The following MTMR12 variants were observed in gnomAD, a reference collection of about 807,000 sequenced individuals.
MTMR12 encodes myotubularin-related protein 12.
Under a neutral mutation model 96.7 loss-of-function variants are expected in MTMR12, and 33 were observed. That is an observed-to-expected ratio of 0.34 (90% CI 0.26 to 0.46). The LOEUF (loss-of-function observed/expected upper bound fraction) is 0.46. Ranked by LOEUF, MTMR12 falls within the 20% of genes least tolerant of loss-of-function variation. The pLI is 1.00. For missense variants in MTMR12, 721 were observed against 896.1 expected (o/e 0.80, Z 2.49); for synonymous variants, 298 against 327.2 (o/e 0.91, Z 0.96).
intron 1 of MTMR12, among the ~76,000 whole-genome samples, chr5:32,299,770 T>C (rs1751067366): frequency 6.6e-6 from 1 of 152,312 alleles, no homozygotes; most frequent in African/African-American, 2.4e-5. Flanking sequence ...TCCTCAAGAC[T>C]TCTCTCTCAC....
intron 12 of MTMR12, among the ~76,000 whole-genome samples, chr5:32,241,653 G>A (rs1748480713): frequency 1.3e-5 from 2 of 152,086 alleles, no homozygotes; most frequent in Admixed American, 1.3e-4. Flanking sequence ...AAGTTTCTAT[G>A]GTAACTGAAT....
chr5:32,276,834 CACAT>C (rs1750070488), intron 1 of MTMR12, 92 bp from the exon 2 acceptor site: 2 of 633,268 alleles, frequency 3.2e-6, no homozygotes, highest in Admixed American at 5.6e-5. Context: ...ACTAAAATAT[CACAT>C]ACCCTCAGGA....
intron 13 of MTMR12, among the ~76,000 whole-genome samples, chr5:32,237,617 T>G (rs1748289842): frequency 6.6e-6 from 1 of 151,964 alleles, no homozygotes; most frequent in Admixed American, 6.5e-5. Context: ...TTTAAGTGAT[T>G]CTCCTGCCTC....
rs77376243 is a variant in MTMR12 at position 32,309,432 on chromosome 5, C to T, written c.81+3326G>A. On this transcript the variant is annotated intron_variant, in intron 1 of 15. Transcript: ENST00000382142. ...ACTATCAACAAAATGAAGAGATAACCCACTGAATGAGAGAAAATATTTACA... is the reference window on the plus strand; with the variant it reads ...ACTATCAACAAAATGAAGAGATAACTCACTGAATGAGAGAAAATATTTACA... Among the ~76,000 whole-genome samples, 606 of 152,096 alleles carry T rather than the reference C, an allele frequency of 4.0e-3. 2 individuals are homozygous for T. Among genetic ancestry groups the T allele is most frequent in the Non-Finnish European group, 6.0e-3 (410 of 67,994 alleles).
At position 32,228,041 on chromosome 5, in the gene MTMR12, G is replaced by A. The variant is rs1747797971; in HGVS notation, c.*1737C>T. On this transcript the variant is annotated 3_prime_UTR_variant, in exon 16 of 16. Coordinates refer to ENST00000382142, the MANE Select transcript of MTMR12 (RefSeq NM_001040446.3). ...GACGAGGTCTTGCTCCATCACCCAGGCCGGAGTGCAGTGGCACGATCTTAG... is the reference window on the plus strand; with the variant it reads ...GACGAGGTCTTGCTCCATCACCCAGACCGGAGTGCAGTGGCACGATCTTAG... The A allele has an allele frequency of 6.6e-6, 1 of 152,272 alleles. No homozygotes were observed. Among genetic ancestry groups the A allele is most frequent in the Non-Finnish European group, 1.5e-5 (1 of 68,070 alleles). The allele number at this position is 152,272 out of a possible 1,614,324, so 9.4% of individuals were successfully genotyped here. A position where few individuals can be genotyped will look rare whatever the true frequency, so the allele number is the denominator to read the frequency against.
chr5:32,296,403 C>A, intron 1 of MTMR12: 1 of 252,764 alleles, frequency 4.0e-6, no homozygotes. Flanking sequence ...TGCTTCAGCC[C>A]AGGAGGTTGA....
intron 1 of MTMR12, among the ~76,000 whole-genome samples, chr5:32,290,892 C>G (rs1291350780): frequency 6.6e-6 from 1 of 152,190 alleles, no homozygotes; most frequent in Admixed American, 6.5e-5. Context: ...TTGGTAGAAA[C>G]TGAATGTTTG....
chr5:32,268,872 A>G, intron 5 of MTMR12, 78 bp from the exon 6 acceptor site: 2 of 1,198,264 alleles, frequency 1.7e-6, no homozygotes, highest in Admixed American at 1.7e-5. Flanking sequence ...CAAGGTGTCT[A>G]AGTTCTTAGT....
intron 11 of MTMR12, 50 bp downstream of exon 11, chr5:32,243,471 C>A (rs768391768): frequency 7.5e-7 from 1 of 1,332,684 alleles, no homozygotes; most frequent in Non-Finnish European, 1.1e-6. Context: ...ATCTACTACC[C>A]TGAGTTATAC....
rs747129684 is a variant in MTMR12, at chr5:32,276,747, AAG to A, written c.82-7_82-6del. On this transcript the variant is annotated splice_polypyrimidine_tract_variant and splice_region_variant and intron_variant, in intron 1 of 15. Coordinates refer to ENST00000382142, the MANE Select transcript of MTMR12 (RefSeq NM_001040446.3). ...CTTTTCGTTTGTGTGAATTTCCTAA[AAG>A]AGAAGAGCAAAGGATATTTTTCTTT... 1.9e-6 allele frequency: 3 copies of A among 1,612,290 alleles called. No individual in the cohort carries two copies. The South Asian group carries it at 3.3e-5, about 18-fold the overall frequency.
At chr5:32,305,626 G>A (rs1004152619) in intron 1 of MTMR12, among the ~76,000 whole-genome samples, 61 of 152,252 alleles carry the variant, frequency 4.0e-4, no homozygotes, top group African/African-American at 1.3e-3. Flanking sequence ...TACCGCGGCC[G>A]GGCGCGATGG....
At position 32,228,599 on chromosome 5, in the gene MTMR12, T is replaced by TATATCACATATATATC. The variant is rs879297093; in HGVS notation, c.*1178_*1179insGATATATATGTGATAT. On this transcript the variant is annotated 3_prime_UTR_variant, in exon 16 of 16. Coordinates refer to ENST00000382142, the MANE Select transcript of MTMR12 (RefSeq NM_001040446.3). ...ATATATCATATATATGTGATATATA[T>TATATCACATATATATC]ATATATATCATATATATGATATATA... 1 of 126,958 alleles carries TATATCACATATATATC rather than the reference T, an allele frequency of 7.9e-6. No homozygotes were observed. The highest frequency in any genetic ancestry group is 8.3e-5 in the Admixed American group (1 of 12,008). The allele number at this position is 126,958 out of a possible 1,614,324, so 7.9% of individuals were successfully genotyped here. A position where few individuals can be genotyped will look rare whatever the true frequency, so the allele number is the denominator to read the frequency against.
chr5:32,308,855 G>A (rs536456696), intron 1 of MTMR12, among the ~76,000 whole-genome samples: 9 of 152,076 alleles, frequency 5.9e-5, no homozygotes, highest in African/African-American at 1.7e-4. Context: ...CACCCACCTC[G>A]GCCTCCCAAA....
intron 6 of MTMR12, among the ~76,000 whole-genome samples, chr5:32,266,930 A>C (rs1035907413): frequency 3.4e-5 from 5 of 148,126 alleles, no homozygotes; most frequent in African/African-American, 5.0e-5. Flanking sequence ...ATACAAAAAA[A>C]TTAGCTGGGC....
rs1411244189 is a variant in MTMR12, at chr5:32,270,859, G to C, written c.447C>G (p.Phe149Leu). The change falls in exon 5 of 16, where the codon TTC becomes TTG. Residue 149 changes from phenylalanine to leucine, a missense_variant. Transcript: ENST00000382142. ...CCTTTGTGTACCTCAGACAAAACTG[G>C]AACACTCGAAGGTCTTTGCAGTGGA... The part of the protein sequence containing the change: ...LIIHCKDLRV[F>L]QFCLRYTKEE... The C allele has an allele frequency of 2.5e-6, 4 of 1,613,634 alleles. No homozygotes were observed. The highest frequency in any genetic ancestry group is 3.4e-6 in the Non-Finnish European group (4 of 1,179,876).
intron 1 of MTMR12, among the ~76,000 whole-genome samples, chr5:32,300,928 A>AG (rs1751115474): frequency 6.6e-6 from 1 of 152,098 alleles, no homozygotes; most frequent in Admixed American, 6.5e-5. Flanking sequence ...TACAAAAATT[A>AG]GCCGGGTGTG....
chr5:32,256,552 T>C lies in MTMR12; in HGVS notation c.714-784A>G, dbSNP rs114204164. Among the ~76,000 whole-genome samples the C allele has an allele frequency of 1.0e-2, 1,516 of 152,288 alleles. 25 individuals carry two copies. Among genetic ancestry groups the C allele is most frequent in the African/African-American group, 0.035 (1,453 of 41,540 alleles). ...TGGTAGAATGAAAGATCAAAATTACTTGGGGACATCATCTCTCAGGCAGCA... is the reference window on the plus strand; with the variant it reads ...TGGTAGAATGAAAGATCAAAATTACCTGGGGACATCATCTCTCAGGCAGCA... On this transcript the variant is annotated intron_variant, in intron 7 of 15. Coordinates refer to ENST00000382142, the MANE Select transcript of MTMR12 (RefSeq NM_001040446.3).
rs548654471 is a variant in MTMR12, at chr5:32,231,381, C to CAAAAAA, written c.1675-1040_1675-1035dup. On this transcript the variant is annotated intron_variant, in intron 15 of 15. Coordinates refer to ENST00000382142, the MANE Select transcript of MTMR12 (RefSeq NM_001040446.3). ...GCAATGACAGCAAAACTCTGGCTCG[C>CAAAAAA]AAAAAAAAAAAAAAAAAAAGGGTTG... Among the ~76,000 whole-genome samples the CAAAAAA allele has an allele frequency of 1.9e-4, 9 of 47,224 alleles. 1 individual carries two copies. The highest frequency in any genetic ancestry group is 6.5e-4 in the African/African-American group (9 of 13,744). The allele number at this position is 47,224 out of a possible 152,430, so 31.0% of individuals were successfully genotyped here.
At chr5:32,272,300 T>C (rs1581621712) in intron 3 of MTMR12, among the ~76,000 whole-genome samples, 2 of 151,360 alleles carry the variant, frequency 1.3e-5, no homozygotes, top group African/African-American at 4.8e-5. Flanking sequence ...CAAAAATAAA[T>C]AAATAAATAA....
Sources: gnomAD v4.1 joint callset for allele counts (sites outside exome capture counted in the v4.1 genomes callset) on GRCh38, gnomAD v4.1.1 for gene constraint, MANE v1.5 for transcripts, NCBI Gene and HGNC (gene_info 2026-07-23, HGNC 2026-07-21) for gene names.